The following TPR variants were observed in gnomAD, a reference collection of about 807,000 sequenced individuals.
TPR encodes translocated promoter region, nuclear basket protein.
A neutral mutation model predicts 316.1 loss-of-function variants in TPR; 51 were observed. The ratio of observed to expected loss-of-function variants is 0.16; its 90% confidence interval spans 0.13 to 0.20. The LOEUF is 0.20. TPR is among the 10% of genes least tolerant of loss of function. The pLI, the probability that TPR is intolerant of heterozygous loss-of-function variation, is 1.00. For synonymous variants in TPR, 981 were observed against 914.7 expected, an observed-to-expected ratio of 1.07 and a Z score of -1.31; for missense variants, 2,272 against 2,754.8, an observed-to-expected ratio of 0.82 and a Z score of 3.92.
At chr1:186,333,096 T>C (rs1658221805) in intron 37 of TPR, 26 bp downstream of exon 37, 5 of 1,610,006 alleles carry the variant, frequency 3.1e-6, no homozygotes, top group Non-Finnish European at 4.2e-6. Context: ...AGGTCTACTC[T>C]GACTTCATTT....
rs770854192 is a variant in TPR, at chr1:186,353,838, C to T, written c.2184G>A (p.Leu728=). Residue 728 remains leucine (L), a synonymous_variant, in exon 18 of 51, where the codon CTG becomes CTA. Transcript: ENST00000367478. The part of the protein sequence containing the change: ...LDFASKRYEM[L]QDNVEGYRRE... ...GACGATATCCTTCAACATTATCTTG[C>T]AGCATTTCATAACTGGTATGAAAAA... 6.2e-7 allele frequency: 1 copy of T among 1,613,376 alleles called. No homozygotes were observed. The highest frequency in any genetic ancestry group is 1.1e-5 in the South Asian group (1 of 90,962).
chr1:186,361,740 A>T, intron 8 of TPR, 31 bp from the exon 9 acceptor site: 1 of 1,613,252 alleles, frequency 6.2e-7, no homozygotes, highest in Non-Finnish European at 8.5e-7. Flanking sequence ...GTTACCTAAC[A>T]GTCAACAATG....
In TPR at chr1:186,349,468, A is replaced by C. The variant is rs547070784; in HGVS notation, c.2776+755T>G. Among the ~76,000 whole-genome samples the C allele has an allele frequency of 2.0e-5, 3 of 151,914 alleles. No individual in the cohort carries two copies. The East Asian group carries it at 5.8e-4, about 30-fold the overall frequency. ...GGAGATCGAGACCATCCTGGCTAAC[A>C]TGGAGAAACCCCATCTCTACTAAAA... On this transcript the variant is annotated intron_variant, in intron 21 of 50. Transcript: ENST00000367478.
chr1:186,360,318 T>G lies in TPR; in HGVS notation c.1146A>C (p.Ala382=). 1 of 1,613,534 alleles carries G rather than the reference T, an allele frequency of 6.2e-7. No homozygotes were observed. Among genetic ancestry groups the G allele is most frequent in the South Asian group, 1.1e-5 (1 of 91,072 alleles). The change falls in exon 11 of 51, where the codon GCA becomes GCC. Residue 382 remains alanine (A), a synonymous_variant. Transcript: ENST00000367478. Reference sequence around the variant, plus strand: ...GTTTCACTATCTTAGCTACAGCTGCTGCAGTAGGAGACATGGCGGCAAGCT... The same window carrying G: ...GTTTCACTATCTTAGCTACAGCTGCGGCAGTAGGAGACATGGCGGCAAGCT... ...EEELAAMSPT[A]AAVAKIVKPG...
In TPR at chr1:186,312,412, G is replaced by T. The variant is rs1390695243; in HGVS notation, c.*1559C>A. 4 of 1,538,284 alleles carry T rather than the reference G, an allele frequency of 2.6e-6. No individual in the cohort carries two copies. The highest frequency in any genetic ancestry group is 3.6e-6 in the Non-Finnish European group (4 of 1,124,796). ...GTGTTAAAAAAATCCTTAAACATAAGTAGATGTAATACAGTTTCTTATACA... is the reference window on the plus strand; with the variant it reads ...GTGTTAAAAAAATCCTTAAACATAATTAGATGTAATACAGTTTCTTATACA... On this transcript the variant is annotated 3_prime_UTR_variant, in exon 51 of 51. Transcript: ENST00000367478.
intron 3 of TPR, among the ~76,000 whole-genome samples, chr1:186,370,591 G>T (rs1330591754): frequency 6.6e-6 from 1 of 151,984 alleles, no homozygotes; most frequent in Non-Finnish European, 1.5e-5. Context: ...AAAAATAATT[G>T]CATGCAACCA....
At chr1:186,321,667 A>T (rs746870177) in intron 45 of TPR, among the ~76,000 whole-genome samples, 9 of 152,178 alleles carry the variant, frequency 5.9e-5, no homozygotes, top group Non-Finnish European at 8.8e-5. Flanking sequence ...ATCCGCGTTA[A>T]ATCATCTCAT....
In TPR at chr1:186,346,142, T is replaced by C; in HGVS notation, c.3089A>G (p.Glu1030Gly). 1 of 1,607,694 alleles carries C rather than the reference T, an allele frequency of 6.2e-7. No individual in the cohort carries two copies. The highest frequency in any genetic ancestry group is 8.5e-7 in the Non-Finnish European group (1 of 1,177,576). ...TACGGTTAACCTATTTACCTGTTGTTCCATGCTCTCTATGGCTCTTCTTTT... is the reference window on the plus strand; with the variant it reads ...TACGGTTAACCTATTTACCTGTTGTCCCATGCTCTCTATGGCTCTTCTTTT... Reference protein sequence around the residue: ...DDKRRAIESMEQQLSELKKTL... With the variant: ...DDKRRAIESMGQQLSELKKTL... The change falls in exon 23 of 51, where the codon GAA becomes GGA. Residue 1030 changes from glutamate (E) to glycine (G), a missense_variant. Coordinates refer to ENST00000367478, the MANE Select transcript of TPR (RefSeq NM_003292.3).
At chr1:186,337,182 A>C (rs1384736342) in intron 31 of TPR, 26 bp from the exon 32 acceptor site, 1 of 1,589,736 alleles carries the variant, frequency 6.3e-7, no homozygotes, top group Non-Finnish European at 8.6e-7. Context: ...GTAATAATAC[A>C]CTCACATATT....
intron 24 of TPR, 99 bp downstream of exon 24, chr1:186,345,481 A>G: frequency 1.1e-6 from 1 of 942,544 alleles, no homozygotes; most frequent in Non-Finnish European, 1.6e-6. Context: ...AATTATCTTG[A>G]ATTTTTGTAA....
At chr1:186,350,483 G>A (rs918603995) in intron 20 of TPR, 95 bp from the exon 21 acceptor site, 9 of 941,010 alleles carry the variant, frequency 9.6e-6, no homozygotes, top group African/African-American at 1.7e-5. Context: ...TCGGCCAAGA[G>A]AGTAACAGAA....
intron 1 of TPR, 39 bp downstream of exon 1, chr1:186,374,839 C>A: frequency 1.3e-6 from 2 of 1,561,726 alleles, no homozygotes; most frequent in South Asian, 1.2e-5. Context: ...GGGCGGGAGT[C>A]GAGCCCAAAA....
At chr1:186,370,381 T>C (rs1007466496) in intron 3 of TPR, among the ~76,000 whole-genome samples, 3 of 152,126 alleles carry the variant, frequency 2.0e-5, no homozygotes. Flanking sequence ...TGAGTTTTCT[T>C]GGGTATTGAG....
At chr1:186,370,845 G>C (rs774967227) in intron 3 of TPR, 125 bp downstream of exon 3, 68 of 695,402 alleles carry the variant, frequency 9.8e-5, no homozygotes, top group Non-Finnish European at 1.3e-4. Flanking sequence ...ATTTTTGTTG[G>C]TAGCTTCCCC....
Position 186,351,360 on chromosome 1 carries a change from T to A in TPR, c.2580A>T (p.Glu860Asp). ...GATTTCTAGTAAGTGTATGCCTTTG[T>A]TCCACCTCATTTTCCAACTTCTTCT... ...HLKKKLENEV[E>D]QRHTLTRNLD... Residue 860 changes from glutamate to aspartate, a missense_variant, in exon 20 of 51, where the codon GAA becomes GAT. Physicochemically the swap from Glu to Asp is conservative, Grantham distance 45. Around this residue, in one of 10 missense-constraint regions of TPR, gnomAD observed 757 missense variants for 859.8 expected, o/e 0.88. Transcript: ENST00000367478. 1 of 1,612,348 alleles carries A rather than the reference T, an allele frequency of 6.2e-7. No individual in the cohort carries two copies. The highest frequency in any genetic ancestry group is 1.1e-5 in the South Asian group (1 of 90,576).
chr1:186,367,631 T>C (rs1041186291), intron 4 of TPR, among the ~76,000 whole-genome samples: 3 of 152,192 alleles, frequency 2.0e-5, no homozygotes, highest in Non-Finnish European at 4.4e-5. Context: ...GTAGTGAAAA[T>C]CTTTGCATGT....
rs760311411 is a variant in TPR, at chr1:186,344,094, C to T, written c.3418-4G>A. ...ATACACATTTGGAAACTTCATCCTG[C>T]AAGCCAAGAGTCTATCAGAATAACA... On this transcript the variant is annotated splice_region_variant and splice_polypyrimidine_tract_variant and intron_variant, in intron 25 of 50. Coordinates refer to ENST00000367478, the MANE Select transcript of TPR (RefSeq NM_003292.3). The T allele has an allele frequency of 1.2e-6, 2 of 1,611,844 alleles. No individual in the cohort carries two copies. Among genetic ancestry groups the T allele is most frequent in the South Asian group, 2.2e-5 (2 of 90,592 alleles).
At chr1:186,321,379 T>C (rs1192371224) in intron 45 of TPR, among the ~76,000 whole-genome samples, 2 of 152,250 alleles carry the variant, frequency 1.3e-5, no homozygotes, top group Non-Finnish European at 2.9e-5. Flanking sequence ...TAAATGTGTA[T>C]ACTTTCACAC....
chr1:186,356,999 T>C (rs1359979166), intron 14 of TPR, among the ~76,000 whole-genome samples: 3 of 152,222 alleles, frequency 2.0e-5, no homozygotes, highest in African/African-American at 7.2e-5. Flanking sequence ...CTCAATTCTT[T>C]CCTCCCTATA....
Sources: allele counts gnomAD v4.1 joint callset (sites outside exome capture counted in the v4.1 genomes callset), GRCh38; gene constraint gnomAD v4.1.1; regional missense constraint gnomAD v4.1.1; transcripts MANE v1.5; gene names NCBI Gene and HGNC (gene_info 2026-07-23, HGNC 2026-07-21).